The following GALNT17 variants were observed in gnomAD, a reference collection of about 807,000 sequenced individuals.
GALNT17 encodes polypeptide N-acetylgalactosaminyltransferase 17, also known as UDP-GalNAc:polypeptide N-acetylgalactosaminyltransferase-like 3.
In GALNT17, 29 loss-of-function variants were observed where a neutral mutation model predicts 63.7. The observed-to-expected ratio is 0.46, with a 90% confidence interval of 0.34 to 0.62. The LOEUF (loss-of-function observed/expected upper bound fraction) is 0.62, where lower values mean the gene tolerates loss of function less well. Ranked by LOEUF, GALNT17 falls within the 20% of genes least tolerant of loss-of-function variation. GALNT17 has a pLI of 0.01. For synonymous variants in GALNT17, 305 were observed against 318.3 expected, an observed-to-expected ratio of 0.96 and a Z score of 0.45; for missense variants, 603 against 799.6, an observed-to-expected ratio of 0.75 and a Z score of 2.97.
intron 1 of GALNT17, among the ~76,000 whole-genome samples, chr7:71,323,442 C>A (rs980647787): frequency 1.3e-5 from 2 of 152,132 alleles, no homozygotes; most frequent in Non-Finnish European, 2.9e-5. Context: ...ACTTAGGGAA[C>A]ATTTTACTCC....
At chr7:71,566,216 A>G (rs1388431385) in intron 5 of GALNT17, among the ~76,000 whole-genome samples, 1 of 152,072 alleles carries the variant, frequency 6.6e-6, no homozygotes, top group African/African-American at 2.4e-5. Context: ...GTTGATGCTG[A>G]TGCAGTCAGC....
chr7:71,602,010 T>C (rs1267061122), intron 6 of GALNT17, among the ~76,000 whole-genome samples: 2 of 151,928 alleles, frequency 1.3e-5, no homozygotes, highest in African/African-American at 4.8e-5. Context: ...GCAGATGGAG[T>C]CTTTCCAGCT....
At chr7:71,463,989 A>G (rs927206828) in intron 5 of GALNT17, among the ~76,000 whole-genome samples, 9 of 152,280 alleles carry the variant, frequency 5.9e-5, no homozygotes, top group Admixed American at 5.2e-4. Flanking sequence ...GAATGCAGCC[A>G]GTAGGTCTCA....
intron 2 of GALNT17, among the ~76,000 whole-genome samples, chr7:71,345,914 G>T (rs1410258030): frequency 6.6e-6 from 1 of 151,850 alleles, no homozygotes; most frequent in African/African-American, 2.4e-5. Flanking sequence ...TGGGTGTGGG[G>T]GCTCATGCCT....
At chr7:71,285,119 A>G (rs939241988) in intron 1 of GALNT17, among the ~76,000 whole-genome samples, 2 of 152,236 alleles carry the variant, frequency 1.3e-5, no homozygotes, top group African/African-American at 4.8e-5. Flanking sequence ...GCCGACAAAT[A>G]CCGCAGAAAT....
chr7:71,621,234 A>G (rs1790284511), intron 6 of GALNT17, among the ~76,000 whole-genome samples: 1 of 151,330 alleles, frequency 6.6e-6, no homozygotes, highest in Non-Finnish European at 1.5e-5. Flanking sequence ...CCCTTGCCTT[A>G]CATCATGCTC....
intron 6 of GALNT17, among the ~76,000 whole-genome samples, chr7:71,642,436 G>A (rs76877688): frequency 0.019 from 2,907 of 152,260 alleles, 103 homozygotes; most frequent in African/African-American, 0.067. Context: ...CCAAAAGCAG[G>A]CCCCCAAGGT....
At chr7:71,217,722 G>A (rs1339295879) in intron 1 of GALNT17, among the ~76,000 whole-genome samples, 1 of 151,698 alleles carries the variant, frequency 6.6e-6, no homozygotes, top group Non-Finnish European at 1.5e-5. Context: ...TCAGGAGATC[G>A]AGACCATCCT....
At chr7:71,206,099 A>T (rs1789265809) in intron 1 of GALNT17, among the ~76,000 whole-genome samples, 1 of 148,336 alleles carries the variant, frequency 6.7e-6, no homozygotes. Flanking sequence ...GTGTGTGTTC[A>T]TGTGTGTGTA....
intron 1 of GALNT17, among the ~76,000 whole-genome samples, chr7:71,218,831 C>T (rs1789532488): frequency 6.6e-6 from 1 of 151,972 alleles, no homozygotes; most frequent in Non-Finnish European, 1.5e-5. Context: ...TCTCCCATCA[C>T]CCCCAGATGG....
chr7:71,265,633 C>G (rs1370572509), intron 1 of GALNT17, among the ~76,000 whole-genome samples: 1 of 152,148 alleles, frequency 6.6e-6, no homozygotes, highest in Non-Finnish European at 1.5e-5. Flanking sequence ...CCAAAGTGTT[C>G]TCTTCTAAGG....
At chr7:71,359,976 A>G (rs185735902) in intron 2 of GALNT17, among the ~76,000 whole-genome samples, 18 of 152,334 alleles carry the variant, frequency 1.2e-4, no homozygotes, top group Admixed American at 1.1e-3. Context: ...GGGAGATACT[A>G]GATTGAAGGC....
At chr7:71,472,275 G>A (rs1055242741) in intron 5 of GALNT17, among the ~76,000 whole-genome samples, 5 of 152,182 alleles carry the variant, frequency 3.3e-5, no homozygotes, top group African/African-American at 1.2e-4. Context: ...TAACATTGGA[G>A]GTTAGGGTTT....
chr7:71,158,988 A>T (rs1788290135), intron 1 of GALNT17, among the ~76,000 whole-genome samples: 1 of 151,796 alleles, frequency 6.6e-6, no homozygotes, highest in Non-Finnish European at 1.5e-5. Flanking sequence ...TAAAGTGTAA[A>T]ATCTGCTCCT....
chr7:71,193,132 T>C (rs1022892186), intron 1 of GALNT17, among the ~76,000 whole-genome samples: 3 of 151,892 alleles, frequency 2.0e-5, no homozygotes, highest in African/African-American at 7.3e-5. Flanking sequence ...AGGGTCTTGC[T>C]CTGTTGCCCA....
chr7:71,191,272 G>A (rs981654520), intron 1 of GALNT17, among the ~76,000 whole-genome samples: 1 of 151,550 alleles, frequency 6.6e-6, no homozygotes, highest in Non-Finnish European at 1.5e-5. Context: ...GATTAGTTTT[G>A]CCTGCTCTAG....
chr7:71,268,266 G>A (rs956660811), intron 1 of GALNT17, among the ~76,000 whole-genome samples: 4 of 152,060 alleles, frequency 2.6e-5, no homozygotes, highest in Non-Finnish European at 4.4e-5. Context: ...TGCTGGCTAG[G>A]CATGGTGGCT....
intron 5 of GALNT17, among the ~76,000 whole-genome samples, chr7:71,542,105 T>G (rs191712468): frequency 2.0e-5 from 3 of 152,204 alleles, no homozygotes; most frequent in Non-Finnish European, 4.4e-5. Context: ...ATCGTGCAGG[T>G]GAATAACCGC....
chr7:71,377,084 T>TAAA (rs1563047253), intron 2 of GALNT17, among the ~76,000 whole-genome samples: 1 of 30,836 alleles, frequency 3.2e-5, no homozygotes, highest in African/African-American at 2.2e-4. Flanking sequence ...ATATTCCATC[T>TAAA]CAAAAAAAAA....
Sources: allele counts gnomAD v4.1 joint callset (sites outside exome capture counted in the v4.1 genomes callset), GRCh38; gene constraint gnomAD v4.1.1; transcripts MANE v1.5; gene names NCBI Gene and HGNC (gene_info 2026-07-23, HGNC 2026-07-21).